Variants in LRRK1 observed in about 807,000 individuals in gnomAD.
The protein encoded by LRRK1 is leucine-rich repeat serine/threonine-protein kinase 1.
LRRK1 carries 113 observed loss-of-function variants against 209.1 expected under a neutral mutation model. The ratio of observed to expected loss-of-function variants is 0.54; its 90% CI spans 0.46 to 0.63. The LOEUF (loss-of-function observed/expected upper bound fraction) is 0.63, where lower values mean the gene tolerates loss of function less well. LRRK1 is among the 30% of genes least tolerant of loss of function. The pLI, the probability that LRRK1 is intolerant of heterozygous loss-of-function variation, is 0.00. For missense variants in LRRK1, 2,284 were observed against 2,632.2 expected (o/e 0.87, Z 2.89); for synonymous variants, 1,144 against 1,099.7 (o/e 1.04, Z -0.80).
chr15:101,037,878 C>G (rs1269445523), intron 20 of LRRK1, among the ~76,000 whole-genome samples: 1 of 152,148 alleles, frequency 6.6e-6, no homozygotes, highest in Non-Finnish European at 1.5e-5. Context: ...GCTATCTACC[C>G]AGAGGAAAAG....
chr15:101,023,666 C>A (rs1029495581), intron 15 of LRRK1, among the ~76,000 whole-genome samples: 1 of 152,214 alleles, frequency 6.6e-6, no homozygotes, highest in African/African-American at 2.4e-5. Context: ...AAAGCTCCCA[C>A]GCACAGTGCC....
rs28605471 is a variant in LRRK1 at position 101,067,801 on chromosome 15, C to T, written c.5871-870C>T. Among the ~76,000 whole-genome samples the T allele has an allele frequency of 5.1e-3, 783 of 152,358 alleles. 6 individuals carry two copies. The highest frequency in any genetic ancestry group is 0.018 in the African/African-American group (751 of 41,582). ...AGTTCCCAGCTTGCAGGTCGGGCTT[C>T]TGGAGGAAATGGGTGTGCAGCACCC... On this transcript the variant is annotated intron_variant, in intron 33 of 33. Transcript: ENST00000388948.
At chr15:100,922,821 G>A (rs1198747740) in intron 1 of LRRK1, among the ~76,000 whole-genome samples, 3 of 129,446 alleles carry the variant, frequency 2.3e-5, no homozygotes, top group African/African-American at 1.2e-4. Flanking sequence ...GGTTTGTGTC[G>A]ACCATCCCTT....
rs60547730 is a variant in LRRK1 at position 101,037,563 on chromosome 15, A to T, written c.2963+8331A>T. On this transcript the variant is annotated intron_variant, in intron 20 of 33. Transcript: ENST00000388948. ...CAGCAATGGAATGCTCAGGCTGGGG[A>T]CATCAGTGGCCACACTGCTGCCCTG... 8.5e-5 allele frequency among the ~76,000 whole-genome samples: 13 copies of T among 152,250 alleles called. No homozygotes were observed. In the East Asian group the frequency reaches 2.3e-3, roughly 27 times the overall value.
At chr15:101,061,610 T>G (rs2036187650) in intron 30 of LRRK1, among the ~76,000 whole-genome samples, 1 of 152,152 alleles carries the variant, frequency 6.6e-6, no homozygotes. Context: ...TGCTAGTCAC[T>G]CAGCTCTGAA....
chr15:100,988,934 G>A, intron 5 of LRRK1, 121 bp downstream of exon 5: 1 of 796,058 alleles, frequency 1.3e-6, no homozygotes, highest in Non-Finnish European at 2.0e-6. Flanking sequence ...GGAGACTTTT[G>A]CAACTCCTGT....
In LRRK1 at chr15:100,919,891, G is replaced by C. The variant is rs2041990385; in HGVS notation, c.-123+440G>C. 1 of 152,494 alleles carries C rather than the reference G, an allele frequency of 6.6e-6. No individual in the cohort carries two copies. The highest frequency in any genetic ancestry group is 1.5e-5 in the Non-Finnish European group (1 of 68,280). 9.4% of individuals were successfully genotyped at this position (152,494 alleles called of 1,614,324 possible). A position where few individuals can be genotyped will look rare whatever the true frequency, so the allele number is the denominator to read the frequency against. On this transcript the variant is annotated intron_variant, in intron 1 of 33. Coordinates refer to ENST00000388948, the MANE Select transcript of LRRK1 (RefSeq NM_024652.6). The surrounding 1 kb of genome is among the most constrained non-coding windows in gnomAD (Gnocchi z 5.8). ...CCTTAGCGGGGAGCGGGCGGAGTGT[G>C]AGCGCGCGGGTGAGCCCGTGCCGGG...
intron 20 of LRRK1, among the ~76,000 whole-genome samples, chr15:101,038,639 C>A (rs533660017): frequency 1.3e-5 from 2 of 152,344 alleles, no homozygotes; most frequent in African/African-American, 4.8e-5. Context: ...GCCTTGCTTC[C>A]TTGTCCTTCC....
Position 101,022,041 on chromosome 15 carries a change from C to T in LRRK1, c.1852+84C>T. ...ACTTGTTAAGTTCTGGGGGTGGAGA[C>T]AGTTGGTGACCCATGGAGCCCAGCT... is the stretch of plus-strand genomic sequence containing the variant. On this transcript the variant is annotated intron_variant, in intron 14 of 33. Transcript: ENST00000388948. This position sits in a 1 kb window ranked among gnomAD's most constrained non-coding sequence, Gnocchi z 4.0. 1.0e-6 allele frequency: 1 copy of T among 961,628 alleles called. No individual in the cohort carries two copies. Among genetic ancestry groups the T allele is most frequent in the Non-Finnish European group, 1.6e-6 (1 of 629,516 alleles). 59.6% of individuals were successfully genotyped at this position (961,628 alleles called of 1,614,324 possible).
At chr15:100,941,930 G>A (rs893401786) in intron 2 of LRRK1, among the ~76,000 whole-genome samples, 7 of 152,200 alleles carry the variant, frequency 4.6e-5, no homozygotes, top group African/African-American at 1.7e-4. Flanking sequence ...GTGACCTGGG[G>A]ACCCTCTTGC....
chr15:100,927,568 C>T (rs544469972), intron 2 of LRRK1, among the ~76,000 whole-genome samples: 1 of 152,302 alleles, frequency 6.6e-6, no homozygotes, highest in South Asian at 2.1e-4. Flanking sequence ...AGGGAAGTGA[C>T]ACCCTGGGAA....
chr15:100,952,797 G>A (rs1468302922), intron 2 of LRRK1, among the ~76,000 whole-genome samples: 3 of 152,106 alleles, frequency 2.0e-5, no homozygotes, highest in Admixed American at 6.5e-5. Context: ...CAATTAACTC[G>A]GCTGCCTCCA....
At chr15:100,939,555 G>A (rs1234234044) in intron 2 of LRRK1, among the ~76,000 whole-genome samples, 3 of 152,146 alleles carry the variant, frequency 2.0e-5, no homozygotes, top group South Asian at 4.1e-4. Context: ...TGGTGTCAGC[G>A]CAATCACTCT....
intron 12 of LRRK1, among the ~76,000 whole-genome samples, chr15:101,018,153 T>C (rs1034533076): frequency 1.8e-5 from 2 of 113,436 alleles, no homozygotes; most frequent in Non-Finnish European, 3.5e-5. Context: ...GTCCCTGATA[T>C]ACAAAGAATG....
chr15:100,929,684 C>T (rs2042175351), intron 2 of LRRK1, among the ~76,000 whole-genome samples: 2 of 152,206 alleles, frequency 1.3e-5, no homozygotes, highest in South Asian at 4.1e-4. Context: ...ACCTGTTCCT[C>T]CTGTTGGATT....
intron 2 of LRRK1, among the ~76,000 whole-genome samples, chr15:100,971,749 T>A (rs1447218870): frequency 6.6e-6 from 1 of 152,170 alleles, no homozygotes; most frequent in South Asian, 2.1e-4. Context: ...GCTTGTACCC[T>A]TTAACCCACT....
chr15:100,974,316 A>G (rs933128798), intron 3 of LRRK1, among the ~76,000 whole-genome samples: 2 of 152,210 alleles, frequency 1.3e-5, no homozygotes, highest in African/African-American at 4.8e-5. Context: ...AATAAAATTT[A>G]GAAAATATGT....
intron 2 of LRRK1, among the ~76,000 whole-genome samples, chr15:100,965,751 C>T (rs1197770386): frequency 6.6e-6 from 1 of 152,060 alleles, no homozygotes; most frequent in Non-Finnish European, 1.5e-5. Context: ...TCCTTTACTT[C>T]GTTAAATACT....
At chr15:100,947,028 G>T (rs146929845) in intron 2 of LRRK1, among the ~76,000 whole-genome samples, 1 of 151,820 alleles carries the variant, frequency 6.6e-6, no homozygotes, top group Non-Finnish European at 1.5e-5. Flanking sequence ...GGAGTGCAGT[G>T]TCACGATCTC....
Sources: gnomAD v4.1 joint callset for allele counts (sites outside exome capture counted in the v4.1 genomes callset) on GRCh38, gnomAD v4.1.1 for gene constraint, Gnocchi (gnomAD v3.1) non-coding constraint, MANE v1.5 for transcripts, NCBI Gene and HGNC (gene_info 2026-07-23, HGNC 2026-07-21) for gene names.